JDP2: variants seen among roughly 807,000 people sequenced by gnomAD.
The protein encoded by JDP2 is progesterone receptor co-activator.
In JDP2, 9 loss-of-function variants were observed where a neutral mutation model predicts 17.1. The observed-to-expected ratio is 0.53, with a 90% CI of 0.32 to 0.92. JDP2 has a LOEUF of 0.92. Ranked by LOEUF, JDP2 falls within the 40% of genes least tolerant of loss-of-function variation. JDP2 has a pLI of 0.04. For synonymous variants in JDP2, 107 were observed against 95.6 expected, an observed-to-expected ratio of 1.12 and a Z score of -0.69; for missense variants, 179 against 220.0, an observed-to-expected ratio of 0.81 and a Z score of 1.18.
At chr14:75,465,525 T>C (rs1257107911) in intron 3 of JDP2, among the ~76,000 whole-genome samples, 2 of 152,098 alleles carry the variant, frequency 1.3e-5, no homozygotes, top group African/African-American at 2.4e-5. Flanking sequence ...AGACCGGGGC[T>C]CCCTGTGTTG....
At chr14:75,453,766 C>T (rs754714773) in intron 2 of JDP2, among the ~76,000 whole-genome samples, 2 of 152,228 alleles carry the variant, frequency 1.3e-5, no homozygotes, top group Non-Finnish European at 2.9e-5. Context: ...AACCAAAGCT[C>T]ACACTGTCAA....
intron 2 of JDP2, among the ~76,000 whole-genome samples, chr14:75,455,817 A>G (rs1191809192): frequency 6.6e-6 from 1 of 152,092 alleles, no homozygotes; most frequent in Non-Finnish European, 1.5e-5. Flanking sequence ...TAGTTCCCTC[A>G]TTAATTTCCT....
chr14:75,435,830 G>T (rs774624545), intron 1 of JDP2, among the ~76,000 whole-genome samples: 1 of 152,176 alleles, frequency 6.6e-6, no homozygotes, highest in Non-Finnish European at 1.5e-5. Context: ...AGAGGACCGG[G>T]TATGGGAGGC....
At chr14:75,447,313 C>G (rs1490792650) in intron 2 of JDP2, among the ~76,000 whole-genome samples, 1 of 152,178 alleles carries the variant, frequency 6.6e-6, no homozygotes, top group Non-Finnish European at 1.5e-5. Context: ...TTGCAAACTT[C>G]TTTTGTAGAC....
At chr14:75,445,699 A>G (rs537776602) in intron 2 of JDP2, 58 of 545,834 alleles carry the variant, frequency 1.1e-4, no homozygotes, top group African/African-American at 9.8e-4. Context: ...TGTAAGAGTG[A>G]AAACTAGAAA....
chr14:75,438,268 G>C lies in JDP2; in HGVS notation c.201+147G>C, dbSNP rs1885170655. 8.2e-6 allele frequency: 5 copies of C among 608,066 alleles called. No homozygotes were observed. In the South Asian group the frequency reaches 1.3e-4, roughly 15 times the overall value. The allele number at this position is 608,066 out of a possible 1,614,324, so 37.7% of individuals were successfully genotyped here. A position where few individuals can be genotyped will look rare whatever the true frequency, so the allele number is the denominator to read the frequency against. On this transcript the variant is annotated intron_variant, in intron 2 of 3. Transcript: ENST00000651602. ...TCAGAAATGTGGAATCCCAGGCCTC[G>C]CCCCAGGCCTTCTGTATCAGAATCT...
At chr14:75,443,976 C>T (rs1216411276) in intron 2 of JDP2, among the ~76,000 whole-genome samples, 6 of 151,792 alleles carry the variant, frequency 4.0e-5, no homozygotes, top group African/African-American at 1.5e-4. Flanking sequence ...GATCTTGGCT[C>T]ACTGCAGCCT....
chr14:75,462,061 T>G (rs1886369975), intron 3 of JDP2, among the ~76,000 whole-genome samples: 1 of 152,220 alleles, frequency 6.6e-6, no homozygotes, highest in African/African-American at 2.4e-5. Flanking sequence ...TCCAAGCTCT[T>G]TGCTGCTACC....
At chr14:75,434,685 A>G (rs957933560) in intron 1 of JDP2, among the ~76,000 whole-genome samples, 3 of 152,140 alleles carry the variant, frequency 2.0e-5, no homozygotes, top group Admixed American at 6.5e-5. Flanking sequence ...AACAGAGCCT[A>G]TCATTCCCGG....
intron 1 of JDP2, among the ~76,000 whole-genome samples, chr14:75,433,195 CAAAAAAAA>C (rs780191475): frequency 9.3e-4 from 18 of 19,392 alleles, no homozygotes; most frequent in African/African-American, 1.8e-3. Context: ...AACTCCGTCT[CAAAAAAAA>C]AAAAAAAAAA....
At chr14:75,459,963 C>T (rs1008696620) in intron 2 of JDP2, among the ~76,000 whole-genome samples, 3 of 152,296 alleles carry the variant, frequency 2.0e-5, no homozygotes, top group South Asian at 4.1e-4. Context: ...GTTGTATGGC[C>T]TTGGGCAAAT....
chr14:75,447,458 A>G (rs888119261), intron 2 of JDP2, among the ~76,000 whole-genome samples: 2 of 152,028 alleles, frequency 1.3e-5, no homozygotes, highest in Non-Finnish European at 2.9e-5. Context: ...ATTATTAAAA[A>G]AAGGCAAGAT....
chr14:75,436,564 C>T (rs531909633), intron 1 of JDP2, among the ~76,000 whole-genome samples: 6 of 152,366 alleles, frequency 3.9e-5, no homozygotes, highest in Admixed American at 1.3e-4. Context: ...TAACATGCTA[C>T]TTAAAAGGCT....
intron 1 of JDP2, among the ~76,000 whole-genome samples, chr14:75,429,706 G>A (rs1884708612): frequency 6.6e-6 from 1 of 152,198 alleles, no homozygotes; most frequent in South Asian, 2.1e-4. Flanking sequence ...TGAGGATCGA[G>A]GAAGAGAAGC....
intron 1 of JDP2, among the ~76,000 whole-genome samples, chr14:75,433,176 CAA>C (rs1884889489): frequency 1.3e-5 from 1 of 75,084 alleles, no homozygotes; most frequent in African/African-American, 5.3e-5. Flanking sequence ...GCCTGGGCAA[CAA>C]GAGTGAAACT....
intron 2 of JDP2, among the ~76,000 whole-genome samples, chr14:75,442,058 A>G (rs900859676): frequency 2.6e-5 from 4 of 152,014 alleles, no homozygotes; most frequent in African/African-American, 9.7e-5. Context: ...TCTAGAGGGG[A>G]CTCAAGAGTT....
At chr14:75,451,018 A>C in intron 2 of JDP2, among the ~76,000 whole-genome samples, 1 of 152,170 alleles carries the variant, frequency 6.6e-6, no homozygotes, top group East Asian at 1.9e-4. Flanking sequence ...CAAAGGCATG[A>C]AGGCCAGGGA....
At chr14:75,445,601 G>A (rs566232563) in intron 2 of JDP2, 6 of 985,122 alleles carry the variant, frequency 6.1e-6, no homozygotes, top group South Asian at 9.4e-5. Flanking sequence ...ATTCAGTTTC[G>A]TCCCTTGTAA....
At position 75,454,932 on chromosome 14, in the gene JDP2, T is replaced by C. The variant is rs879892389; in HGVS notation, c.202-6494T>C. On this transcript the variant is annotated intron_variant, in intron 2 of 3. Transcript: ENST00000651602. ...AGGGTTGCAAGCAGAGGAGCTGACT[T>C]GTGTTTTAGCCAAGGGAGAGCCCTT... is the stretch of plus-strand genomic sequence containing the variant. Among the ~76,000 whole-genome samples the C allele has an allele frequency of 5.3e-5, 8 of 151,914 alleles. 1 individual carries two copies. Among genetic ancestry groups the C allele is most frequent in the South Asian group, 4.2e-4 (2 of 4,812 alleles).
Sources: allele counts gnomAD v4.1 joint callset (sites outside exome capture counted in the v4.1 genomes callset), GRCh38; gene constraint gnomAD v4.1.1; transcripts MANE v1.5; gene names NCBI Gene and HGNC (gene_info 2026-07-23, HGNC 2026-07-21).